The following CEP41 variants were observed in gnomAD, a reference collection of about 807,000 sequenced individuals.
CEP41 encodes the protein centrosomal protein 41, also known as centrosomal protein of 41 kDa.
CEP41 carries 32 observed loss-of-function variants against 44.3 expected under a neutral mutation model. The observed-to-expected ratio is 0.72, with a 90% CI of 0.54 to 0.97. CEP41 has a LOEUF of 0.97. CEP41 is among the 50% of genes least tolerant of loss of function. The pLI, the probability that CEP41 is intolerant of heterozygous loss-of-function variation, is 0.00. For synonymous variants in CEP41, 151 were observed against 168.5 expected (o/e 0.90, Z 0.80); for missense variants, 432 against 455.2 (o/e 0.95, Z 0.46).
At position 130,400,068 on chromosome 7, in the gene CEP41, TCC is replaced by T. The variant is rs1584867379; in HGVS notation, c.942_943del (p.Glu315ArgfsTer10). 1 of 1,611,522 alleles carries T rather than the reference TCC, an allele frequency of 6.2e-7. No individual in the cohort carries two copies. Among genetic ancestry groups the T allele is most frequent in the Admixed American group, 1.7e-5 (1 of 60,008 alleles). On this transcript the variant is annotated frameshift_variant, in exon 10 of 11. Coordinates refer to ENST00000223208, the MANE Select transcript of CEP41 (RefSeq NM_018718.3). LOFTEE classifies it low-confidence loss of function (END_TRUNC). Reference sequence around the variant, plus strand: ...ATGATCTGCAGGCCCTTGCTCCTCTTCCAGATAATATTCTATCTTTTTTAAGT... The same window carrying T: ...ATGATCTGCAGGCCCTTGCTCCTCTTAGATAATATTCTATCTTTTTTAAGT...
chr7:130,437,291 T>A (rs1797994819), intron 1 of CEP41, among the ~76,000 whole-genome samples: 1 of 151,354 alleles, frequency 6.6e-6, no homozygotes, highest in Non-Finnish European at 1.5e-5. Flanking sequence ...ATTTTCAGAC[T>A]AAAAAGACAT....
chr7:130,440,980 G>A lies in CEP41; in HGVS notation c.-14C>T, dbSNP rs1798141409. The A allele has an allele frequency of 5.0e-6, 8 of 1,612,522 alleles. No homozygotes were observed. Among genetic ancestry groups the A allele is most frequent in the Non-Finnish European group, 5.9e-6 (7 of 1,179,966 alleles). On this transcript the variant is annotated 5_prime_UTR_variant, in exon 1 of 11. Coordinates refer to ENST00000223208, the MANE Select transcript of CEP41 (RefSeq NM_018718.3). ...CCGGAGGGACATATTTTCTCCAACC[G>A]ACCACGTTCGGGGTTCTAGCCTCAC...
In CEP41 at chr7:130,394,291, C is replaced by G; in HGVS notation, c.*4600G>C. 1 of 454,070 alleles carries G rather than the reference C, an allele frequency of 2.2e-6. No homozygotes were observed. The highest frequency in any genetic ancestry group is 4.4e-6 in the Non-Finnish European group (1 of 226,794). The allele number at this position is 454,070 out of a possible 1,614,324, so 28.1% of individuals were successfully genotyped here. A position where few individuals can be genotyped will look rare whatever the true frequency, so the allele number is the denominator to read the frequency against. On this transcript the variant is annotated 3_prime_UTR_variant, in exon 11 of 11. Coordinates refer to ENST00000223208, the MANE Select transcript of CEP41 (RefSeq NM_018718.3). ...AAGGCAAACCTGAGTCACTTAATTTCTACCCGAACCTCAGTCTCCTCATCT... is the reference window on the plus strand; with the variant it reads ...AAGGCAAACCTGAGTCACTTAATTTGTACCCGAACCTCAGTCTCCTCATCT...
upstream of CEP41, chr7:130,441,178 C>T (rs776391177): frequency 1.6e-6 from 1 of 629,030 alleles, no homozygotes; most frequent in Middle Eastern, 2.6e-4. Context: ...AAGGGCAACG[C>T]GGGACGCCGG....
chr7:130,437,595 A>AC (rs34184117), intron 1 of CEP41, among the ~76,000 whole-genome samples: 48,055 of 150,696 alleles, frequency 0.32, 7,834 homozygotes, highest in Middle Eastern at 0.41. Context: ...ACATAGGGAG[A>AC]CCCCATCTCT....
At position 130,412,189 on chromosome 7, in the gene CEP41, A is replaced by C. The variant is rs782023923; in HGVS notation, c.197T>G (p.Phe66Cys). 1 of 1,550,854 alleles carries C rather than the reference A, an allele frequency of 6.4e-7. No individual in the cohort carries two copies. Among genetic ancestry groups the C allele is most frequent in the Non-Finnish European group, 8.9e-7 (1 of 1,122,380 alleles). Residue 66 changes from phenylalanine (F) to cysteine (C), a missense_variant, in exon 4 of 11, where the codon TTT becomes TGT. By Grantham distance (205) the Phe-to-Cys change is radical. Coordinates refer to ENST00000223208, the MANE Select transcript of CEP41 (RefSeq NM_018718.3). ...ELFKRLKVTT[F>C]AQLIIQVASL... The stretch of plus-strand genomic sequence containing the variant: ...AATCAAGAAACTTACCAGCTGGGCA[A>C]AAGTTGTAACTTTTAGTCTCTTGAA...
intron 2 of CEP41, among the ~76,000 whole-genome samples, chr7:130,422,999 T>G (rs1455928788): frequency 2.6e-5 from 4 of 152,220 alleles, no homozygotes; most frequent in African/African-American, 9.6e-5. Flanking sequence ...GAGGCTGGAG[T>G]GCAGTAGCGC....
chr7:130,440,455 G>GA (rs1250260709), intron 1 of CEP41: 2 of 233,068 alleles, frequency 8.6e-6, no homozygotes, highest in African/African-American at 4.7e-5. Flanking sequence ...AACAGATGAA[G>GA]AAACTGAAGG....
In CEP41 at chr7:130,435,169, CAT is replaced by C. The variant is rs532882772; in HGVS notation, c.33+5763_33+5764del. On this transcript the variant is annotated intron_variant, in intron 1 of 10. Transcript: ENST00000223208. Reference sequence around the variant, plus strand: ...TTTCTCTCCATCCCCCAATCACACACATGTTCAAATGTACAGAGAAGGTTTGG... The same window carrying C: ...TTTCTCTCCATCCCCCAATCACACACGTTCAAATGTACAGAGAAGGTTTGG... Among the ~76,000 whole-genome samples, 36 of 152,206 alleles carry C rather than the reference CAT, an allele frequency of 2.4e-4. No individual in the cohort carries two copies. The East Asian group carries it at 6.9e-3, about 29-fold the overall frequency.
intron 1 of CEP41, among the ~76,000 whole-genome samples, chr7:130,431,756 G>A (rs61068790): frequency 0.064 from 9,670 of 152,140 alleles, 429 homozygotes; most frequent in African/African-American, 0.13. Context: ...GTAACTGGCC[G>A]GCCTGGAGCA....
At chr7:130,433,340 AAAG>A (rs1797875819) in intron 1 of CEP41, among the ~76,000 whole-genome samples, 1 of 152,070 alleles carries the variant, frequency 6.6e-6, no homozygotes, top group Non-Finnish European at 1.5e-5. Context: ...AAAAAAAAAA[AAAG>A]GAGAGATTTG....
At chr7:130,423,115 T>G (rs1554422633) in intron 2 of CEP41, among the ~76,000 whole-genome samples, 1 of 152,028 alleles carries the variant, frequency 6.6e-6, no homozygotes, top group East Asian at 1.9e-4. Flanking sequence ...CCTGGCTAAT[T>G]TTTTTGTATT....
chr7:130,432,242 G>C (rs1487072695), intron 1 of CEP41, among the ~76,000 whole-genome samples: 1 of 152,168 alleles, frequency 6.6e-6, no homozygotes, highest in Non-Finnish European at 1.5e-5. Context: ...AGGATCTGTA[G>C]TCTTAAGGAA....
chr7:130,424,169 G>A (rs1304156379), intron 2 of CEP41, among the ~76,000 whole-genome samples: 2 of 152,192 alleles, frequency 1.3e-5, no homozygotes, highest in Non-Finnish European at 2.9e-5. Context: ...GGCCGAGGCA[G>A]GTGGATCACT....
At chr7:130,440,660 G>C (rs1798121435) in intron 1 of CEP41, 1 of 592,196 alleles carries the variant, frequency 1.7e-6, no homozygotes, top group Non-Finnish European at 3.0e-6. Flanking sequence ...AGCCATTTGA[G>C]GGCAAGGGCT....
intron 1 of CEP41, among the ~76,000 whole-genome samples, chr7:130,432,063 C>G (rs374206471): frequency 4.6e-5 from 7 of 152,204 alleles, no homozygotes; most frequent in East Asian, 1.9e-4. Flanking sequence ...CCAGCCCAAA[C>G]GCCAATAGTG....
rs939413159 is a variant in CEP41, at chr7:130,421,544, A to G, written c.98-4578T>C. On this transcript the variant is annotated intron_variant, in intron 2 of 10. Coordinates refer to ENST00000223208, the MANE Select transcript of CEP41 (RefSeq NM_018718.3). ...AATAAAAATGAAGAGTACCTAGTCTATAATGAGTTTGATGCTTACAGTCAA... is the reference window on the plus strand; with the variant it reads ...AATAAAAATGAAGAGTACCTAGTCTGTAATGAGTTTGATGCTTACAGTCAA... 6 of 985,486 alleles carry G rather than the reference A, an allele frequency of 6.1e-6. No individual in the cohort carries two copies. The African/African-American group carries it at 1.0e-4, about 17-fold the overall frequency. 61.0% of individuals were successfully genotyped at this position (985,486 alleles called of 1,614,324 possible).
At chr7:130,410,499 A>T (rs1225485935) in intron 5 of CEP41, among the ~76,000 whole-genome samples, 1 of 152,208 alleles carries the variant, frequency 6.6e-6, no homozygotes, top group Non-Finnish European at 1.5e-5. Flanking sequence ...TTTGTAACTC[A>T]GGTCCCTTCC....
At chr7:130,424,980 A>G (rs1285763213) in intron 2 of CEP41, among the ~76,000 whole-genome samples, 3 of 152,238 alleles carry the variant, frequency 2.0e-5, no homozygotes, top group African/African-American at 2.4e-5. Flanking sequence ...GCTAGAATGT[A>G]TAAGGAGCTC....
Sources: gnomAD v4.1 joint callset for allele counts (sites outside exome capture counted in the v4.1 genomes callset) on GRCh38, gnomAD v4.1.1 for gene constraint, MANE v1.5 for transcripts, NCBI Gene and HGNC (gene_info 2026-07-23, HGNC 2026-07-21) for gene names.